Variants in SPSB1 observed in about 807,000 individuals in gnomAD.
SPSB1 encodes SPRY domain-containing SOCS box protein 1.
A neutral mutation model predicts 21.2 loss-of-function variants in SPSB1; 8 were observed. That is an observed-to-expected ratio of 0.38 (90% CI 0.22 to 0.68). The LOEUF (loss-of-function observed/expected upper bound fraction) is 0.68. SPSB1 is among the 30% of genes least tolerant of loss of function. The pLI is 0.53. For synonymous variants in SPSB1, 169 were observed against 161.7 expected (o/e 1.05, Z -0.34); for missense variants, 242 against 377.8 (o/e 0.64, Z 2.98).
At position 9,367,436 on chromosome 1, in the gene SPSB1, C is replaced by T; in HGVS notation, c.695-12C>T. On this transcript the variant is annotated splice_polypyrimidine_tract_variant and intron_variant, in intron 2 of 2. Coordinates refer to ENST00000328089, the MANE Select transcript of SPSB1 (RefSeq NM_025106.4). The surrounding 1 kb of genome is among the most constrained non-coding windows in gnomAD (Gnocchi z 5.9). ...CAAGCTGCGCTGACCTGCAGTTTCT[C>T]TGTCTCCCCAGCCGAGCCGCTGCCG... 6.2e-7 allele frequency: 1 copy of T among 1,613,318 alleles called. No individual in the cohort carries two copies. The highest frequency in any genetic ancestry group is 8.5e-7 in the Non-Finnish European group (1 of 1,179,950).
chr1:9,317,112 T>C lies in SPSB1; in HGVS notation c.-150+24041T>C, dbSNP rs543296066. On this transcript the variant is annotated intron_variant, in intron 1 of 2. Coordinates refer to ENST00000328089, the MANE Select transcript of SPSB1 (RefSeq NM_025106.4). The surrounding 1 kb of genome is among the most constrained non-coding windows in gnomAD (Gnocchi z 4.3). ...GGAAAGAGAGAACTCACAAATAATA[T>C]ATTATACTAGGCAGAGGGTGAGAAA... Among the ~76,000 whole-genome samples, 192 of 152,216 alleles carry C rather than the reference T, an allele frequency of 1.3e-3. No homozygotes were observed. The highest frequency in any genetic ancestry group is 4.3e-3 in the African/African-American group (178 of 41,510).
chr1:9,337,362 A>T (rs1166520721), intron 1 of SPSB1, among the ~76,000 whole-genome samples: 6 of 151,978 alleles, frequency 3.9e-5, no homozygotes, highest in Non-Finnish European at 7.4e-5. Context: ...AGGGCTCCTG[A>T]CACTCAGGGG....
Position 9,317,157 on chromosome 1 carries a change from G to C in SPSB1, c.-150+24086G>C, listed in dbSNP as rs1327605820. 1.3e-5 allele frequency among the ~76,000 whole-genome samples: 2 copies of C among 152,186 alleles called. No homozygotes were observed. Among genetic ancestry groups the C allele is most frequent in the African/African-American group, 2.4e-5 (1 of 41,446 alleles). Reference sequence around the variant, plus strand: ...GAGAAAGGTGCTTAGAGGCCAGCAAGGTTCTGGCCTTGGGGATCAGGGTTT... The same window carrying C: ...GAGAAAGGTGCTTAGAGGCCAGCAACGTTCTGGCCTTGGGGATCAGGGTTT... On this transcript the variant is annotated intron_variant, in intron 1 of 2. Transcript: ENST00000328089. This position sits in a 1 kb window ranked among gnomAD's most constrained non-coding sequence, Gnocchi z 4.3.
chr1:9,304,134 G>A (rs1465167305), intron 1 of SPSB1, among the ~76,000 whole-genome samples: 1 of 152,188 alleles, frequency 6.6e-6, no homozygotes, highest in Non-Finnish European at 1.5e-5. Flanking sequence ...CCGGAGCTGG[G>A]ACATCCTCCT....
intron 1 of SPSB1, among the ~76,000 whole-genome samples, chr1:9,353,320 T>TC (rs1367102760): frequency 6.6e-6 from 1 of 151,790 alleles, no homozygotes; most frequent in Non-Finnish European, 1.5e-5. Flanking sequence ...CCCAGCTCTC[T>TC]CCCCCTTCCC....
At chr1:9,307,245 G>A (rs1264840539) in intron 1 of SPSB1, among the ~76,000 whole-genome samples, 1 of 152,240 alleles carries the variant, frequency 6.6e-6, no homozygotes, top group East Asian at 1.9e-4. Context: ...CTCAGTTGAG[G>A]TGAAATTCAC....
At chr1:9,331,679 A>C (rs1283150294) in intron 1 of SPSB1, among the ~76,000 whole-genome samples, 2 of 152,056 alleles carry the variant, frequency 1.3e-5, no homozygotes, top group Non-Finnish European at 2.9e-5. Flanking sequence ...TTGTTGGATC[A>C]GTTGCCATTC....
intron 1 of SPSB1, among the ~76,000 whole-genome samples, chr1:9,307,077 G>A (rs1231773592): frequency 6.6e-6 from 1 of 151,948 alleles, no homozygotes; most frequent in South Asian, 2.1e-4. Flanking sequence ...ACAGGCACGT[G>A]CCACCACGCC....
chr1:9,368,893 T>C lies in SPSB1; in HGVS notation c.*1318T>C, dbSNP rs896351758. On this transcript the variant is annotated 3_prime_UTR_variant, in exon 3 of 3. Transcript: ENST00000328089. ...CCGGAAGAGAGGGGTGCCCTATCCC[T>C]GGCAACCCCTCCACGTAGCGTACCC... The C allele has an allele frequency of 6.6e-6, 1 of 152,528 alleles. No homozygotes were observed. The highest frequency in any genetic ancestry group is 1.5e-5 in the Non-Finnish European group (1 of 68,028). The allele number at this position is 152,528 out of a possible 1,614,324, so 9.4% of individuals were successfully genotyped here. A position where few individuals can be genotyped will look rare whatever the true frequency, so the allele number is the denominator to read the frequency against.
At position 9,293,851 on chromosome 1, in the gene SPSB1, C is replaced by T. The variant is rs1284436805; in HGVS notation, c.-150+780C>T. Among the ~76,000 whole-genome samples the T allele has an allele frequency of 6.6e-6, 1 of 152,006 alleles. No homozygotes were observed. Among genetic ancestry groups the T allele is most frequent in the Non-Finnish European group, 1.5e-5 (1 of 67,966 alleles). On this transcript the variant is annotated intron_variant, in intron 1 of 2. Coordinates refer to ENST00000328089, the MANE Select transcript of SPSB1 (RefSeq NM_025106.4). The surrounding 1 kb of genome is among the most constrained non-coding windows in gnomAD (Gnocchi z 5.1). Reference sequence around the variant, plus strand: ...GGAAGAGCGGGTGTCTCTGAGAGTGCATCTGCGTGTGTGTTTGTGCATGTC... The same window carrying T: ...GGAAGAGCGGGTGTCTCTGAGAGTGTATCTGCGTGTGTGTTTGTGCATGTC...
At chr1:9,339,973 C>G (rs369979219) in intron 1 of SPSB1, among the ~76,000 whole-genome samples, 1 of 149,300 alleles carries the variant, frequency 6.7e-6, no homozygotes, top group Admixed American at 6.7e-5. Flanking sequence ...TCCAGCCCCC[C>G]ACCTCGGGAG....
intron 1 of SPSB1, among the ~76,000 whole-genome samples, chr1:9,296,627 CAT>C (rs1414899879): frequency 1.3e-5 from 2 of 152,176 alleles, no homozygotes; most frequent in Non-Finnish European, 2.9e-5. Flanking sequence ...TATATGCACA[CAT>C]ACACACACAC....
chr1:9,359,439 C>T (rs1030275683), intron 2 of SPSB1, among the ~76,000 whole-genome samples: 1 of 152,134 alleles, frequency 6.6e-6, no homozygotes, highest in Non-Finnish European at 1.5e-5. Context: ...CGCGGTGGCT[C>T]ATGCCTGTAA....
At chr1:9,295,557 G>C (rs1349871422) in intron 1 of SPSB1, among the ~76,000 whole-genome samples, 3 of 152,162 alleles carry the variant, frequency 2.0e-5, no homozygotes, top group African/African-American at 7.2e-5. Context: ...CCACCCTTCA[G>C]TGGGTCCCTC....
At chr1:9,294,524 T>A (rs1284505781) in intron 1 of SPSB1, 1 of 152,172 alleles carries the variant, frequency 6.6e-6, no homozygotes, top group African/African-American at 2.4e-5. Flanking sequence ...GAGCGCAGGC[T>A]CTTCCTCTCT....
intron 2 of SPSB1, among the ~76,000 whole-genome samples, chr1:9,360,873 A>G (rs1640460526): frequency 6.6e-6 from 1 of 152,252 alleles, no homozygotes; most frequent in Non-Finnish European, 1.5e-5. Context: ...GGAGGCAGCC[A>G]GTGTAGACCA....
At chr1:9,294,185 A>G (rs1639170071) in intron 1 of SPSB1, among the ~76,000 whole-genome samples, 2 of 145,772 alleles carry the variant, frequency 1.4e-5, no homozygotes. Context: ...TGTCTCTGCA[A>G]ATGTGTGTCT....
At chr1:9,319,820 A>T (rs1159550173) in intron 1 of SPSB1, among the ~76,000 whole-genome samples, 1 of 151,836 alleles carries the variant, frequency 6.6e-6, no homozygotes, top group East Asian at 1.9e-4. Flanking sequence ...CCTCACATCC[A>T]CACCCGCTGT....
intron 1 of SPSB1, among the ~76,000 whole-genome samples, chr1:9,313,538 A>T (rs1294052): frequency 0.34 from 51,684 of 151,914 alleles, 9,248 homozygotes; most frequent in East Asian, 0.65. Flanking sequence ...GGGAACAGGC[A>T]CCTGATCTGG....
Sources: gnomAD v4.1 joint callset for allele counts (sites outside exome capture counted in the v4.1 genomes callset) on GRCh38, gnomAD v4.1.1 for gene constraint, Gnocchi (gnomAD v3.1) non-coding constraint, MANE v1.5 for transcripts, NCBI Gene and HGNC (gene_info 2026-07-23, HGNC 2026-07-21) for gene names.